HNF4G: variants seen among roughly 807,000 people sequenced by gnomAD.
HNF4G encodes the protein hepatocyte nuclear factor 4-gamma.
HNF4G carries 21 observed loss-of-function variants against 50.9 expected under a neutral mutation model. The observed-to-expected ratio is 0.41, with a 90% confidence interval of 0.29 to 0.59. HNF4G has a LOEUF of 0.59. Ranked by LOEUF, HNF4G falls within the 20% of genes least tolerant of loss-of-function variation. The probability of loss-of-function intolerance (pLI) is 0.26; values close to 1 mark genes in which losing one functional copy is unlikely to be tolerated. For synonymous variants in HNF4G, 198 were observed against 185.6 expected (o/e 1.07, Z -0.54); for missense variants, 527 against 559.4 (o/e 0.94, Z 0.58).
At chr8:75,531,199 G>A (rs1025759784) in intron 2 of HNF4G, among the ~76,000 whole-genome samples, 4 of 151,864 alleles carry the variant, frequency 2.6e-5, no homozygotes, top group African/African-American at 7.3e-5. Context: ...TTGTAGTAAA[G>A]GAATAAAGAA....
chr8:75,422,001 C>T (rs1303717645), intron 1 of HNF4G, among the ~76,000 whole-genome samples: 2 of 152,232 alleles, frequency 1.3e-5, no homozygotes, highest in African/African-American at 2.4e-5. Flanking sequence ...GTTCATTATG[C>T]TGTTGTGTTC....
intron 1 of HNF4G, among the ~76,000 whole-genome samples, chr8:75,468,693 CA>C (rs375188506): frequency 0.065 from 9,286 of 142,826 alleles, 316 homozygotes; most frequent in Middle Eastern, 0.073. Context: ...GACTCCATCT[CA>C]AAAAAAAAAA....
intron 2 of HNF4G, among the ~76,000 whole-genome samples, chr8:75,502,811 A>T (rs2977896): frequency 0.16 from 24,067 of 152,174 alleles, 3,196 homozygotes; most frequent in African/African-American, 0.36. Context: ...ATTGTTAGCA[A>T]TTACATTTGT....
At chr8:75,502,513 C>A (rs946117064) in intron 2 of HNF4G, among the ~76,000 whole-genome samples, 1 of 152,022 alleles carries the variant, frequency 6.6e-6, no homozygotes, top group Admixed American at 6.6e-5. Flanking sequence ...GACAAAAACA[C>A]GTAGGTCAAA....
At chr8:75,520,979 A>G (rs964500391) in intron 2 of HNF4G, among the ~76,000 whole-genome samples, 1 of 152,032 alleles carries the variant, frequency 6.6e-6, no homozygotes, top group African/African-American at 2.4e-5. Context: ...ATTTGAAGTG[A>G]AAGTACTAAT....
chr8:75,438,911 T>G (rs922762768), intron 1 of HNF4G, among the ~76,000 whole-genome samples: 1 of 152,016 alleles, frequency 6.6e-6, no homozygotes, highest in African/African-American at 2.4e-5. Context: ...TCCTTCACTT[T>G]GATTTTTTTT....
intron 1 of HNF4G, among the ~76,000 whole-genome samples, chr8:75,543,387 A>G (rs1233317906): frequency 6.6e-6 from 1 of 152,178 alleles, no homozygotes; most frequent in African/African-American, 2.4e-5. Context: ...TTCTAGGGGA[A>G]AAATGAAAGA....
rs1372743852 is a variant in HNF4G, at chr8:75,551,842, T to C, written c.489+348T>C. Among the ~76,000 whole-genome samples the C allele has an allele frequency of 3.3e-5, 5 of 152,202 alleles. No individual in the cohort carries two copies. The South Asian group carries it at 6.2e-4, about 19-fold the overall frequency. On this transcript the variant is annotated intron_variant, in intron 4 of 9. Transcript: ENST00000396423. ...TCTGTACAACCAGCTACCACAACTTTTGGGGAGTTTGGTTGATATTTGTTA... is the reference window on the plus strand; with the variant it reads ...TCTGTACAACCAGCTACCACAACTTCTGGGGAGTTTGGTTGATATTTGTTA...
chr8:75,516,363 A>G (rs763731869), intron 2 of HNF4G, among the ~76,000 whole-genome samples: 6 of 152,158 alleles, frequency 3.9e-5, no homozygotes, highest in Admixed American at 6.5e-5. Flanking sequence ...ATATCCCAAC[A>G]TAAGAGGACT....
chr8:75,500,803 A>G (rs917499000), intron 2 of HNF4G, among the ~76,000 whole-genome samples: 2 of 152,184 alleles, frequency 1.3e-5, no homozygotes, highest in Admixed American at 6.5e-5. Flanking sequence ...TGAAATGTCC[A>G]GAATGAGAAA....
At chr8:75,467,605 A>T (rs1812016234) in intron 1 of HNF4G, among the ~76,000 whole-genome samples, 1 of 151,542 alleles carries the variant, frequency 6.6e-6, no homozygotes, top group African/African-American at 2.4e-5. Flanking sequence ...GGTTGCAGTG[A>T]GTGGAGATCG....
intron 1 of HNF4G, among the ~76,000 whole-genome samples, chr8:75,426,763 A>T (rs1810899142): frequency 6.6e-6 from 1 of 152,196 alleles, no homozygotes; most frequent in Non-Finnish European, 1.5e-5. Context: ...TAGTGAAAAG[A>T]ATAGATGCGA....
At chr8:75,427,574 C>G (rs942313113) in intron 1 of HNF4G, among the ~76,000 whole-genome samples, 1 of 149,636 alleles carries the variant, frequency 6.7e-6, no homozygotes, top group African/African-American at 2.5e-5. Flanking sequence ...GAGACCCTGT[C>G]TCAAAAAAAA....
chr8:75,433,010 C>T (rs1467103310), intron 1 of HNF4G, among the ~76,000 whole-genome samples: 2 of 152,140 alleles, frequency 1.3e-5, no homozygotes, highest in Non-Finnish European at 2.9e-5. Context: ...GTGAAGTCTT[C>T]GGATGTCTGT....
chr8:75,504,408 A>C (rs532707162), intron 2 of HNF4G, among the ~76,000 whole-genome samples: 6 of 152,290 alleles, frequency 3.9e-5, no homozygotes, highest in Admixed American at 1.3e-4. Context: ...CTCAAGAAAG[A>C]CATGCTCTTA....
chr8:75,529,457 C>CA (rs111281059), intron 2 of HNF4G, among the ~76,000 whole-genome samples: 228 of 151,070 alleles, frequency 1.5e-3, no homozygotes, highest in African/African-American at 4.8e-3. Context: ...TAGCTGTAGG[C>CA]AAAAAAAATG....
At chr8:75,506,947 T>G (rs1289452148) in intron 2 of HNF4G, among the ~76,000 whole-genome samples, 2 of 152,218 alleles carry the variant, frequency 1.3e-5, no homozygotes, top group East Asian at 3.9e-4. Flanking sequence ...GAATGATATT[T>G]ATGTTTTGAT....
chr8:75,410,735 C>T (rs1810480977), intron 1 of HNF4G, among the ~76,000 whole-genome samples: 1 of 152,122 alleles, frequency 6.6e-6, no homozygotes, highest in Admixed American at 6.6e-5. Flanking sequence ...GCTCTGGGTC[C>T]TTTAAAAAGT....
At chr8:75,457,274 G>T (rs145598838) in intron 1 of HNF4G, among the ~76,000 whole-genome samples, 38 of 152,230 alleles carry the variant, frequency 2.5e-4, no homozygotes, top group African/African-American at 8.7e-4. Flanking sequence ...TAATCTAAAA[G>T]AAAGTGATCA....
Sources: gnomAD v4.1 joint callset for allele counts (sites outside exome capture counted in the v4.1 genomes callset) on GRCh38, gnomAD v4.1.1 for gene constraint, MANE v1.5 for transcripts, NCBI Gene and HGNC (gene_info 2026-07-23, HGNC 2026-07-21) for gene names.